PPME1: variants seen among roughly 807,000 people sequenced by gnomAD.
PPME1 encodes protein phosphatase methylesterase 1, also known as testicular secretory protein Li 39.
In PPME1, 17 loss-of-function variants were observed where a neutral mutation model predicts 56.9. The observed-to-expected ratio is 0.30, with a 90% CI of 0.20 to 0.45. PPME1 has a LOEUF of 0.45. PPME1 is among the 20% of genes least tolerant of loss of function. The pLI is 1.00. For missense variants in PPME1, 357 were observed against 483.2 expected, an observed-to-expected ratio of 0.74 and a Z score of 2.45; for synonymous variants, 122 against 156.2, an observed-to-expected ratio of 0.78 and a Z score of 1.63.
intron 3 of PPME1, among the ~76,000 whole-genome samples, chr11:74,218,174 G>C (rs1858707089): frequency 6.6e-6 from 1 of 151,838 alleles, no homozygotes; most frequent in South Asian, 2.1e-4. Flanking sequence ...ATTTACAGTA[G>C]CTACAAATAA....
intron 1 of PPME1, among the ~76,000 whole-genome samples, chr11:74,185,988 G>A (rs951492997): frequency 2.0e-5 from 3 of 152,172 alleles, no homozygotes; most frequent in African/African-American, 7.2e-5. Context: ...TGGGCTGTAC[G>A]TGTCCTGTTC....
At position 74,204,430 on chromosome 11, in the gene PPME1, T is replaced by C. The variant is rs765651711; in HGVS notation, c.273T>C (p.Ser91=). ...LLHGGGHSAL[S]WAVFTAAIIS... ...ATGGAGGAGGTCATTCTGCCCTTTC[T>C]TGGGCTGTGTTCACGGTAAGTAGGT... Residue 91 remains serine, a synonymous_variant, in exon 3 of 14, where the codon TCT becomes TCC. Transcript: ENST00000328257. The C allele has an allele frequency of 6.2e-7, 1 of 1,612,144 alleles. No homozygotes were observed. Among genetic ancestry groups the C allele is most frequent in the Non-Finnish European group, 8.5e-7 (1 of 1,178,472 alleles).
chr11:74,180,899 T>A (rs1457854335), intron 1 of PPME1, among the ~76,000 whole-genome samples: 1 of 152,212 alleles, frequency 6.6e-6, no homozygotes, highest in Non-Finnish European at 1.5e-5. Context: ...CCAGAGCAAG[T>A]GGTCCACCAT....
At chr11:74,200,079 T>C (rs969699277) in intron 1 of PPME1, among the ~76,000 whole-genome samples, 33 of 152,352 alleles carry the variant, frequency 2.2e-4, no homozygotes, top group African/African-American at 7.5e-4. Context: ...TAAAATTCTT[T>C]CATTACGACC....
intron 3 of PPME1, among the ~76,000 whole-genome samples, chr11:74,212,423 A>C (rs1858503769): frequency 6.6e-6 from 1 of 152,212 alleles, no homozygotes; most frequent in Non-Finnish European, 1.5e-5. Flanking sequence ...AAAGCAGACT[A>C]GGCCACAAGG....
intron 13 of PPME1, among the ~76,000 whole-genome samples, chr11:74,252,234 A>AT (rs1180959290): frequency 0.015 from 1,977 of 132,966 alleles, 24 homozygotes; most frequent in African/African-American, 0.029. Context: ...TACCCGGCTA[A>AT]TTTTGTTTTT....
At chr11:74,232,859 G>GTTTTTTT (rs1177098150) in intron 7 of PPME1, among the ~76,000 whole-genome samples, 1 of 113,806 alleles carries the variant, frequency 8.8e-6, no homozygotes. Context: ...TTTGTTATTT[G>GTTTTTTT]ATTTTTTTTT....
At chr11:74,233,425 AT>A (rs201226114) in intron 7 of PPME1, among the ~76,000 whole-genome samples, 1 of 151,440 alleles carries the variant, frequency 6.6e-6, no homozygotes, top group Admixed American at 6.6e-5. Context: ...GCTATTCTAG[AT>A]TTTTTTTTAT....
At chr11:74,226,311 G>A (rs1166661635) in intron 5 of PPME1, among the ~76,000 whole-genome samples, 5 of 152,076 alleles carry the variant, frequency 3.3e-5, no homozygotes, top group African/African-American at 1.2e-4. Flanking sequence ...GGCTCATATA[G>A]GTTGAATAAC....
intron 9 of PPME1, among the ~76,000 whole-genome samples, chr11:74,245,285 T>C (rs183927645): frequency 2.8e-3 from 425 of 152,284 alleles, no homozygotes; most frequent in African/African-American, 9.8e-3. Context: ...TATGGACATC[T>C]TAAGCATCCA....
intron 7 of PPME1, among the ~76,000 whole-genome samples, chr11:74,233,585 G>A (rs1176711756): frequency 6.6e-6 from 1 of 151,150 alleles, no homozygotes; most frequent in African/African-American, 2.4e-5. Context: ...GGCTGAGATA[G>A]GAATATTACT....
chr11:74,206,717 C>T (rs112326555), intron 3 of PPME1, among the ~76,000 whole-genome samples: 5,591 of 152,164 alleles, frequency 0.037, 214 homozygotes, highest in African/African-American at 0.098. Context: ...CAGGTGTGCA[C>T]CACCACTCCC....
At chr11:74,200,984 C>CTTT (rs370003275) in intron 1 of PPME1, among the ~76,000 whole-genome samples, 3 of 147,008 alleles carry the variant, frequency 2.0e-5, no homozygotes, top group African/African-American at 7.5e-5. Context: ...TTTCTTTTTT[C>CTTT]TTTTTTTTTG....
At chr11:74,195,831 T>C (rs1010570943) in intron 1 of PPME1, among the ~76,000 whole-genome samples, 21 of 152,248 alleles carry the variant, frequency 1.4e-4, no homozygotes, top group Admixed American at 1.4e-3. Context: ...GGGCTGTTTG[T>C]GTTTCCTCCT....
chr11:74,232,092 T>G (rs1859081989), intron 7 of PPME1, among the ~76,000 whole-genome samples: 1 of 152,226 alleles, frequency 6.6e-6, no homozygotes, highest in Non-Finnish European at 1.5e-5. Flanking sequence ...CATTTTCTCT[T>G]AAGTTCTCCA....
At chr11:74,197,468 A>AT (rs1858015893) in intron 1 of PPME1, among the ~76,000 whole-genome samples, 1 of 152,206 alleles carries the variant, frequency 6.6e-6, no homozygotes, top group Admixed American at 6.5e-5. Flanking sequence ...TTTATGATAA[A>AT]TAGAACTGAC....
intron 1 of PPME1, among the ~76,000 whole-genome samples, chr11:74,182,049 T>C (rs1169626893): frequency 6.6e-6 from 1 of 152,210 alleles, no homozygotes; most frequent in Non-Finnish European, 1.5e-5. Flanking sequence ...GTGGGCTGGA[T>C]TTCCCGTAGG....
chr11:74,234,385 G>A (rs928451022), intron 7 of PPME1, among the ~76,000 whole-genome samples: 19 of 152,182 alleles, frequency 1.2e-4, no homozygotes, highest in African/African-American at 4.1e-4. Context: ...ACTTGATATT[G>A]ATAGGAAAAA....
At chr11:74,250,762 A>G in intron 11 of PPME1, 192 bp from the exon 12 acceptor site, 1 of 574,682 alleles carries the variant, frequency 1.7e-6, no homozygotes, top group South Asian at 2.3e-5. Context: ...GAAAAAGTGA[A>G]GGGAAATGAT....
Sources: allele counts gnomAD v4.1 joint callset (sites outside exome capture counted in the v4.1 genomes callset), GRCh38; gene constraint gnomAD v4.1.1; transcripts MANE v1.5; gene names NCBI Gene and HGNC (gene_info 2026-07-23, HGNC 2026-07-21).